DENND5B: variants seen among roughly 807,000 people sequenced by gnomAD.
DENND5B encodes the protein DENN domain containing 5B.
In DENND5B, 34 loss-of-function variants were observed where a neutral mutation model predicts 140.6. The observed-to-expected ratio is 0.24, with a 90% CI of 0.18 to 0.32. The LOEUF is 0.32. Ranked by LOEUF, DENND5B falls within the 10% of genes least tolerant of loss-of-function variation. The pLI is 1.00. For synonymous variants in DENND5B, 551 were observed against 562.1 expected (o/e 0.98, Z 0.28); for missense variants, 1,142 against 1,560.2 (o/e 0.73, Z 4.52).
Position 31,483,926 on chromosome 12 carries a change from G to A in DENND5B, c.238-3671C>T, listed in dbSNP as rs146348872. Among the ~76,000 whole-genome samples the A allele has an allele frequency of 3.8e-3, 568 of 147,792 alleles. 1 individual carries two copies. The highest frequency in any genetic ancestry group is 6.2e-3 in the Non-Finnish European group (414 of 67,188). ...GTCACTCAGGCTGGAGTGCGGTGGC[G>A]CAATCTTGGCTCACTGCAACCTCCG... On this transcript the variant is annotated intron_variant, in intron 2 of 20. Transcript: ENST00000389082.
intron 17 of DENND5B, among the ~76,000 whole-genome samples, chr12:31,394,787 G>A (rs1487351182): frequency 6.6e-6 from 1 of 151,974 alleles, no homozygotes; most frequent in Non-Finnish European, 1.5e-5. Context: ...CTAATTTTTT[G>A]TATTTTTAGT....
intron 2 of DENND5B, among the ~76,000 whole-genome samples, chr12:31,490,412 G>A (rs1946481061): frequency 6.6e-6 from 1 of 151,980 alleles, no homozygotes; most frequent in South Asian, 2.1e-4. Context: ...AGGAGTTCGA[G>A]AGTAGCCTAA....
chr12:31,568,512 C>A (rs1035184721), intron 1 of DENND5B, among the ~76,000 whole-genome samples: 4 of 152,172 alleles, frequency 2.6e-5, no homozygotes, highest in Non-Finnish European at 5.9e-5. Flanking sequence ...TGTTAAAGGA[C>A]AGGCCACAGC....
intron 14 of DENND5B, among the ~76,000 whole-genome samples, chr12:31,406,245 G>T (rs996625532): frequency 3.9e-5 from 6 of 152,092 alleles, no homozygotes; most frequent in Non-Finnish European, 7.4e-5. Flanking sequence ...CTCCGTGAAA[G>T]ATCTACAAGT....
intron 1 of DENND5B, among the ~76,000 whole-genome samples, chr12:31,582,171 G>A (rs1950229437): frequency 6.6e-6 from 1 of 152,162 alleles, no homozygotes; most frequent in Admixed American, 6.5e-5. Flanking sequence ...CTTGTTCTAT[G>A]ACATTTAGGA....
chr12:31,573,909 G>C (rs569449660), intron 1 of DENND5B, among the ~76,000 whole-genome samples: 2 of 151,608 alleles, frequency 1.3e-5, no homozygotes, highest in South Asian at 4.2e-4. Flanking sequence ...GAGCTATGAT[G>C]GCCTGTTAAT....
At chr12:31,499,498 A>G (rs758620764) in intron 1 of DENND5B, 3 of 818,512 alleles carry the variant, frequency 3.7e-6, no homozygotes, top group Non-Finnish European at 3.4e-6. Flanking sequence ...AATAACATCT[A>G]CAAGTCTGAC....
chr12:31,440,405 G>T (rs1421724617), intron 7 of DENND5B, among the ~76,000 whole-genome samples: 3 of 152,178 alleles, frequency 2.0e-5, no homozygotes, highest in Non-Finnish European at 4.4e-5. Context: ...TCACTGGAGG[G>T]TGAAACCCTG....
chr12:31,552,238 A>C (rs1949092853), intron 1 of DENND5B, among the ~76,000 whole-genome samples: 1 of 152,186 alleles, frequency 6.6e-6, no homozygotes, highest in African/African-American at 2.4e-5. Context: ...GATACGTCCC[A>C]TCAACACCTA....
intron 2 of DENND5B, among the ~76,000 whole-genome samples, chr12:31,484,465 C>G (rs1459634915): frequency 6.6e-6 from 1 of 152,032 alleles, no homozygotes; most frequent in Non-Finnish European, 1.5e-5. Flanking sequence ...GGTGGAAAAA[C>G]TCGGTAAGTG....
intron 7 of DENND5B, among the ~76,000 whole-genome samples, chr12:31,438,257 G>C (rs899399780): frequency 5.3e-5 from 8 of 152,188 alleles, no homozygotes; most frequent in Non-Finnish European, 1.0e-4. Context: ...ACAGGCATGA[G>C]GCACTGCGCC....
At chr12:31,454,812 C>A (rs1159695961) in intron 4 of DENND5B, among the ~76,000 whole-genome samples, 1 of 93,904 alleles carries the variant, frequency 1.1e-5, no homozygotes. Flanking sequence ...GATTCAGTAT[C>A]TTTTTTTTTT....
chr12:31,470,410 G>A (rs1034840438), intron 3 of DENND5B, among the ~76,000 whole-genome samples: 13 of 151,772 alleles, frequency 8.6e-5, no homozygotes, highest in South Asian at 2.1e-4. Context: ...CACTGTGCCC[G>A]GCCTTATTTT....
rs144943383 is a variant in DENND5B, at chr12:31,543,719, A to T, written c.127+46987T>A. Among the ~76,000 whole-genome samples the T allele has an allele frequency of 3.7e-3, 569 of 152,340 alleles. 5 individuals carry two copies. The highest frequency in any genetic ancestry group is 0.013 in the African/African-American group (536 of 41,584). On this transcript the variant is annotated intron_variant, in intron 1 of 20. Transcript: ENST00000389082. ...AGGAAAATTAGAAAACAGAAAGGGAATGTTTATTCAATAAACACAGACTGG... is the reference window on the plus strand; with the variant it reads ...AGGAAAATTAGAAAACAGAAAGGGATTGTTTATTCAATAAACACAGACTGG...
chr12:31,445,120 A>C (rs904455640), intron 6 of DENND5B, among the ~76,000 whole-genome samples: 15 of 152,340 alleles, frequency 9.8e-5, no homozygotes, highest in African/African-American at 1.4e-4. Context: ...TTGAAGGGAA[A>C]GAAATAAAAG....
chr12:31,494,253 C>T (rs1407748449), intron 2 of DENND5B, among the ~76,000 whole-genome samples: 2 of 149,718 alleles, frequency 1.3e-5, no homozygotes, highest in Non-Finnish European at 3.0e-5. Context: ...TACCTACCTA[C>T]CTATTTTGAG....
At chr12:31,460,483 AAAAGT>A (rs1164347035) in intron 3 of DENND5B, 102 bp from the exon 4 acceptor site, 2 of 1,064,862 alleles carry the variant, frequency 1.9e-6, no homozygotes, top group African/African-American at 3.2e-5. Flanking sequence ...TTTCTGCGTT[AAAAGT>A]AAATATTTCT....
intron 8 of DENND5B, among the ~76,000 whole-genome samples, chr12:31,426,947 G>T (rs1043464284): frequency 6.6e-6 from 1 of 152,148 alleles, no homozygotes; most frequent in Non-Finnish European, 1.5e-5. Context: ...GAATCTGGTT[G>T]TAACTAATTT....
Position 31,561,643 on chromosome 12 carries a change from C to A in DENND5B, c.127+29063G>T, listed in dbSNP as rs185937186. Among the ~76,000 whole-genome samples the A allele has an allele frequency of 5.9e-5, 9 of 152,284 alleles. No homozygotes were observed. The East Asian group carries it at 1.7e-3, about 29-fold the overall frequency. On this transcript the variant is annotated intron_variant, in intron 1 of 20. Transcript: ENST00000389082. The stretch of plus-strand genomic sequence containing the variant: ...GTAAAGAGGACTCCTAAAACTCAAA[C>A]CTGTTTAGCATAACATAAAGTGACA...
Sources: gnomAD v4.1 joint callset for allele counts (sites outside exome capture counted in the v4.1 genomes callset) on GRCh38, gnomAD v4.1.1 for gene constraint, MANE v1.5 for transcripts, NCBI Gene and HGNC (gene_info 2026-07-23, HGNC 2026-07-21) for gene names.